Variants in ZNF264 observed in about 807,000 individuals in gnomAD.
ZNF264 encodes the protein zinc finger protein 264.
A neutral mutation model predicts 11.2 loss-of-function variants in ZNF264; 11 were observed. The observed-to-expected ratio is 0.98, with a 90% CI of 0.62 to 1.63. ZNF264 has a LOEUF of 1.63. ZNF264 is among the 40% of genes most tolerant of loss of function. The probability of loss-of-function intolerance (pLI) is 0.00; values close to 1 mark genes in which losing one functional copy is unlikely to be tolerated. For synonymous variants in ZNF264, 309 were observed against 279.8 expected, an observed-to-expected ratio of 1.10 and a Z score of -1.04; for missense variants, 752 against 768.1, an observed-to-expected ratio of 0.98 and a Z score of 0.25.
intron 2 of ZNF264, among the ~76,000 whole-genome samples, chr19:57,202,692 C>T (rs938218954): frequency 1.9e-4 from 29 of 151,982 alleles, no homozygotes; most frequent in Admixed American, 1.2e-3. Context: ...GTGCCCCTTC[C>T]GCCACACCTT....
At chr19:57,204,767 G>A (rs1443101464) in intron 2 of ZNF264, among the ~76,000 whole-genome samples, 3 of 152,202 alleles carry the variant, frequency 2.0e-5, no homozygotes, top group Non-Finnish European at 2.9e-5. Flanking sequence ...GTTGCCATCA[G>A]TACTGTTATT....
chr19:57,206,254 T>C (rs1213638471), intron 3 of ZNF264, among the ~76,000 whole-genome samples: 1 of 152,124 alleles, frequency 6.6e-6, no homozygotes, highest in African/African-American at 2.4e-5. Context: ...AGAAATCTTT[T>C]TTTTTTTGAG....
intron 2 of ZNF264, among the ~76,000 whole-genome samples, chr19:57,204,832 G>T (rs1160388545): frequency 6.6e-6 from 1 of 152,150 alleles, no homozygotes; most frequent in Non-Finnish European, 1.5e-5. Context: ...GACTTTCTGG[G>T]TAGCGTTGTG....
At chr19:57,200,718 T>A (rs1001242371) in intron 2 of ZNF264, among the ~76,000 whole-genome samples, 8 of 151,834 alleles carry the variant, frequency 5.3e-5, no homozygotes, top group Non-Finnish European at 1.2e-4. Flanking sequence ...TTCAAGCAAT[T>A]CTCATGCCTC....
rs2087175178 is a variant in ZNF264, at chr19:57,191,854, G to A, written c.-60G>A. 2.3e-5 allele frequency: 29 copies of A among 1,258,490 alleles called. No homozygotes were observed. Among genetic ancestry groups the A allele is most frequent in the Non-Finnish European group, 2.9e-5 (29 of 993,536 alleles). The allele number at this position is 1,258,490 out of a possible 1,614,324, so 78.0% of individuals were successfully genotyped here. On this transcript the variant is annotated 5_prime_UTR_variant, in exon 1 of 4. Transcript: ENST00000263095. Reference sequence around the variant, plus strand: ...AACCGGCCAGGGTCGGGCACAGGTGGGGTCCGTCAGGCCGCCCGGGGCTCC... The same window carrying A: ...AACCGGCCAGGGTCGGGCACAGGTGAGGTCCGTCAGGCCGCCCGGGGCTCC...
rs745498671 is a variant in ZNF264, at chr19:57,212,164, C to G, written c.1067C>G (p.Ser356Ter). 2 of 1,614,176 alleles carry G rather than the reference C, an allele frequency of 1.2e-6. No homozygotes were observed. The highest frequency in any genetic ancestry group is 2.2e-5 in the East Asian group (1 of 44,876). The change falls in exon 4 of 4, where the codon TCA becomes TGA. Residue 356 changes from serine to a stop codon, truncating the protein, a stop_gained. Transcript: ENST00000263095. LOFTEE classifies it low-confidence loss of function (END_TRUNC). ...LECGKVFKHR[S>*]YLMWHQQTHT... Reference sequence around the variant, plus strand: ...TGTGGCAAGGTCTTCAAACACAGGTCATATCTCATGTGGCACCAGCAGACT... The same window carrying G: ...TGTGGCAAGGTCTTCAAACACAGGTGATATCTCATGTGGCACCAGCAGACT...
In ZNF264 at chr19:57,215,258, G is replaced by GT. The variant is rs2087371656; in HGVS notation, c.*2278dup. On this transcript the variant is annotated 3_prime_UTR_variant, in exon 4 of 4. Coordinates refer to ENST00000263095, the MANE Select transcript of ZNF264 (RefSeq NM_003417.5). The stretch of plus-strand genomic sequence containing the variant: ...TATTGGATAGGTAGAACTATTCGAA[G>GT]TATCTATTTCTTGTGTAATAAATTT... 1 of 152,140 alleles carries GT rather than the reference G, an allele frequency of 6.6e-6. No homozygotes were observed. The highest frequency in any genetic ancestry group is 2.4e-5 in the African/African-American group (1 of 41,440). The allele number at this position is 152,140 out of a possible 1,614,324, so 9.4% of individuals were successfully genotyped here. A position where few individuals can be genotyped will look rare whatever the true frequency, so the allele number is the denominator to read the frequency against.
At chr19:57,208,371 C>G (rs2087309727) in intron 3 of ZNF264, among the ~76,000 whole-genome samples, 1 of 151,430 alleles carries the variant, frequency 6.6e-6, no homozygotes, top group Non-Finnish European at 1.5e-5. Context: ...ATGGTGAGAC[C>G]CCGTCTCTGC....
intron 3 of ZNF264, among the ~76,000 whole-genome samples, chr19:57,206,502 T>A (rs1199910222): frequency 6.6e-6 from 1 of 151,950 alleles, no homozygotes; most frequent in Non-Finnish European, 1.5e-5. Context: ...CCTCCCAAAG[T>A]GCTGGGATTA....
intron 2 of ZNF264, chr19:57,194,715 G>C: frequency 2.5e-6 from 1 of 398,790 alleles, no homozygotes; most frequent in Admixed American, 4.4e-5. Flanking sequence ...CCAGATTAAG[G>C]GGGGGGTCTG....
Position 57,192,542 on chromosome 19 carries a change from A to C in ZNF264, c.33+596A>C, listed in dbSNP as rs759153889. ...TGGCGTCAGAGACAAGTTCTGTCGGAACCCAGTAAGGAAAGAGGCCGATGG... is the reference window on the plus strand; with the variant it reads ...TGGCGTCAGAGACAAGTTCTGTCGGCACCCAGTAAGGAAAGAGGCCGATGG... On this transcript the variant is annotated intron_variant, in intron 1 of 3. Transcript: ENST00000263095. 21 of 985,336 alleles carry C rather than the reference A, an allele frequency of 2.1e-5. No homozygotes were observed. The East Asian group carries it at 5.7e-4, about 27-fold the overall frequency. 61.0% of individuals were successfully genotyped at this position (985,336 alleles called of 1,614,324 possible).
chr19:57,206,984 C>T (rs906339443), intron 3 of ZNF264, among the ~76,000 whole-genome samples: 15 of 143,124 alleles, frequency 1.0e-4, no homozygotes, highest in Non-Finnish European at 1.7e-4. Flanking sequence ...TTGAGCTGCT[C>T]ATCCAACCCT....
At chr19:57,202,820 G>A (rs1210780712) in intron 2 of ZNF264, among the ~76,000 whole-genome samples, 1 of 151,832 alleles carries the variant, frequency 6.6e-6, no homozygotes, top group Non-Finnish European at 1.5e-5. Context: ...CCCAAAGAGG[G>A]GGTCGCGGGA....
intron 1 of ZNF264, chr19:57,192,195 A>C: frequency 2.4e-6 from 1 of 417,338 alleles, no homozygotes; most frequent in Non-Finnish European, 3.2e-6. Context: ...GCCTGCAAGC[A>C]TTCTCTGGTG....
chr19:57,199,178 G>A (rs1436074410), intron 2 of ZNF264, among the ~76,000 whole-genome samples: 1 of 151,862 alleles, frequency 6.6e-6, no homozygotes, highest in Non-Finnish European at 1.5e-5. Context: ...CCACCACTTG[G>A]CCCCTGCCAC....
chr19:57,194,808 T>C, intron 2 of ZNF264: 1 of 400,240 alleles, frequency 2.5e-6, no homozygotes, highest in Non-Finnish European at 4.4e-6. Flanking sequence ...CGTTGCATCC[T>C]TCAATCCAAT....
intron 2 of ZNF264, among the ~76,000 whole-genome samples, chr19:57,201,562 G>A (rs931967555): frequency 5.9e-5 from 9 of 151,944 alleles, no homozygotes; most frequent in African/African-American, 1.2e-4. Flanking sequence ...CCTCAGCCTT[G>A]TATATTACCC....
intron 3 of ZNF264, among the ~76,000 whole-genome samples, chr19:57,209,383 C>G (rs893892006): frequency 2.6e-5 from 4 of 152,090 alleles, no homozygotes; most frequent in Admixed American, 2.6e-4. Context: ...TTTCTAGCTT[C>G]GTTTCCTTAA....
In ZNF264 at chr19:57,216,849, A is replaced by G. The variant is rs1223977820; in HGVS notation, c.*3868A>G. 4 of 149,296 alleles carry G rather than the reference A, an allele frequency of 2.7e-5. No homozygotes were observed. The highest frequency in any genetic ancestry group is 4.5e-5 in the Non-Finnish European group (3 of 67,412). 9.2% of individuals were successfully genotyped at this position (149,296 alleles called of 1,614,324 possible). A position where few individuals can be genotyped will look rare whatever the true frequency, so the allele number is the denominator to read the frequency against. On this transcript the variant is annotated 3_prime_UTR_variant, in exon 4 of 4. Transcript: ENST00000263095. The stretch of plus-strand genomic sequence containing the variant: ...TTTGGGGTTGTTTACTAGTCTTCCT[A>G]TAGGTTACTTCACCTTTTTTTTTTT...
Sources: allele counts gnomAD v4.1 joint callset (sites outside exome capture counted in the v4.1 genomes callset), GRCh38; gene constraint gnomAD v4.1.1; transcripts MANE v1.5; gene names NCBI Gene and HGNC (gene_info 2026-07-23, HGNC 2026-07-21).